The following LRP1B variants were observed in gnomAD, a reference collection of about 807,000 sequenced individuals.
LRP1B encodes LDL receptor related protein 1B, also known as low-density lipoprotein receptor-related protein 1B.
LRP1B carries 217 observed loss-of-function variants against 556.6 expected under a neutral mutation model. The observed-to-expected ratio is 0.39, with a 90% CI of 0.35 to 0.44. The LOEUF is 0.44. Ranked by LOEUF, LRP1B falls within the 20% of genes least tolerant of loss-of-function variation. The pLI is 1.00. For synonymous variants in LRP1B, 2,047 were observed against 1,865.8 expected, an observed-to-expected ratio of 1.10 and a Z score of -2.50; for missense variants, 5,053 against 5,620.8, an observed-to-expected ratio of 0.90 and a Z score of 3.23.
chr2:140,580,321 T>G (rs868453254), intron 43 of LRP1B, among the ~76,000 whole-genome samples: 16 of 152,272 alleles, frequency 1.1e-4, no homozygotes, highest in South Asian at 2.1e-4. Context: ...TATCATGCAT[T>G]CCACACAGCT....
At chr2:140,546,878 T>A (rs1349578457) in intron 43 of LRP1B, among the ~76,000 whole-genome samples, 1 of 152,146 alleles carries the variant, frequency 6.6e-6, no homozygotes, top group East Asian at 1.9e-4. Context: ...TTGAATTTTA[T>A]CAAAAGCCTT....
At chr2:140,974,197 C>T (rs964772118) in intron 18 of LRP1B, among the ~76,000 whole-genome samples, 2 of 152,180 alleles carry the variant, frequency 1.3e-5, no homozygotes, top group African/African-American at 4.8e-5. Context: ...AAAGAATCTT[C>T]TGACATTGCT....
At chr2:141,587,106 G>A (rs1240122452) in intron 2 of LRP1B, among the ~76,000 whole-genome samples, 1 of 152,076 alleles carries the variant, frequency 6.6e-6, no homozygotes, top group Non-Finnish European at 1.5e-5. Flanking sequence ...AAAAAGTAAT[G>A]AGAAATTTAT....
At chr2:141,645,108 G>A (rs1185793658) in intron 2 of LRP1B, among the ~76,000 whole-genome samples, 1 of 152,094 alleles carries the variant, frequency 6.6e-6, no homozygotes, top group East Asian at 1.9e-4. Context: ...ATTTATATTA[G>A]GGTAGGAGTA....
chr2:141,023,064 A>G (rs1698111565), intron 11 of LRP1B, among the ~76,000 whole-genome samples: 1 of 151,866 alleles, frequency 6.6e-6, no homozygotes, highest in Admixed American at 6.6e-5. Flanking sequence ...GATTAATATT[A>G]TGTCTGTATT....
chr2:141,440,228 C>T (rs1486883927), intron 3 of LRP1B, among the ~76,000 whole-genome samples: 1 of 152,208 alleles, frequency 6.6e-6, no homozygotes, highest in East Asian at 1.9e-4. Context: ...TGCGCCCAGC[C>T]CGGCCCTCCT....
In LRP1B at chr2:140,239,646, G is replaced by T. The variant is rs965888286; in HGVS notation, c.13325-114C>A. On this transcript the variant is annotated intron_variant, in intron 87 of 90. Transcript: ENST00000389484. Reference sequence around the variant, plus strand: ...TGACCATTGATATAATAAAAGCTTAGCCCAAATGTTTATATTTCGGGTTCA... The same window carrying T: ...TGACCATTGATATAATAAAAGCTTATCCCAAATGTTTATATTTCGGGTTCA... 7.5e-5 allele frequency: 42 copies of T among 563,024 alleles called. No homozygotes were observed. The African/African-American group carries it at 7.8e-4, about 11-fold the overall frequency. 34.9% of individuals were successfully genotyped at this position (563,024 alleles called of 1,614,324 possible).
chr2:142,009,626 T>G (rs1399656761), intron 1 of LRP1B, among the ~76,000 whole-genome samples: 1 of 152,204 alleles, frequency 6.6e-6, no homozygotes, highest in Non-Finnish European at 1.5e-5. Flanking sequence ...TATCTAATGT[T>G]GTCAAGGGCA....
At chr2:140,816,722 A>G (rs1691137710) in intron 31 of LRP1B, among the ~76,000 whole-genome samples, 1 of 152,108 alleles carries the variant, frequency 6.6e-6, no homozygotes, top group Non-Finnish European at 1.5e-5. Flanking sequence ...GGTTCATAAA[A>G]TAGAATTGCA....
chr2:140,518,466 C>CA (rs1233235354), intron 49 of LRP1B, among the ~76,000 whole-genome samples: 1 of 151,660 alleles, frequency 6.6e-6, no homozygotes, highest in South Asian at 2.1e-4. Context: ...ATGGAGATCA[C>CA]AAAAAAGAAA....
intron 1 of LRP1B, among the ~76,000 whole-genome samples, chr2:142,029,412 A>G (rs1360050610): frequency 2.0e-5 from 3 of 151,946 alleles, no homozygotes; most frequent in Non-Finnish European, 4.4e-5. Flanking sequence ...TATGTATCTC[A>G]GAACTTACTG....
intron 2 of LRP1B, among the ~76,000 whole-genome samples, chr2:141,560,674 T>C (rs1686114029): frequency 6.6e-6 from 1 of 151,596 alleles, no homozygotes; most frequent in African/African-American, 2.4e-5. Context: ...CAATACAAAT[T>C]TGATAAATTG....
intron 2 of LRP1B, among the ~76,000 whole-genome samples, chr2:141,654,383 CT>C (rs1440128824): frequency 6.6e-6 from 1 of 152,084 alleles, no homozygotes; most frequent in African/African-American, 2.4e-5. Context: ...GTTAGGGCTC[CT>C]TTGGTTGAAT....
intron 41 of LRP1B, among the ~76,000 whole-genome samples, chr2:140,672,066 A>T (rs574353743): frequency 6.6e-6 from 1 of 152,346 alleles, no homozygotes; most frequent in African/African-American, 2.4e-5. Flanking sequence ...CTGGTCCAAA[A>T]TTCCTGTCCA....
At chr2:140,793,846 AT>A (rs950704444) in intron 32 of LRP1B, among the ~76,000 whole-genome samples, 1 of 152,068 alleles carries the variant, frequency 6.6e-6, no homozygotes, top group Non-Finnish European at 1.5e-5. Context: ...TGAAAAAAAA[AT>A]GTAGTTTATA....
At chr2:140,502,024 C>A in intron 54 of LRP1B, 150 bp from the exon 55 acceptor site, 1 of 532,614 alleles carries the variant, frequency 1.9e-6, no homozygotes, top group South Asian at 4.6e-5. Context: ...AGTATAATAT[C>A]TTACACCTAA....
intron 87 of LRP1B, among the ~76,000 whole-genome samples, chr2:140,240,468 G>A (rs1454223259): frequency 6.6e-6 from 1 of 150,654 alleles, no homozygotes; most frequent in Non-Finnish European, 1.5e-5. Context: ...TAGTCAGTGA[G>A]TAGGCAGACA....
At position 141,638,881 on chromosome 2, in the gene LRP1B, A is replaced by ATG. The variant is rs1553439848; in HGVS notation, c.206-158350_206-158349dup. On this transcript the variant is annotated intron_variant, in intron 2 of 90. Transcript: ENST00000389484. The stretch of plus-strand genomic sequence containing the variant: ...TAGCCATATATATATATATATATAT[A>ATG]TGTGTGTGTATGTGCGTGTGTGTGT... 8.4e-4 allele frequency among the ~76,000 whole-genome samples: 8 copies of ATG among 9,532 alleles called. 1 individual carries two copies. The highest frequency in any genetic ancestry group is 0.25 in the Middle Eastern group (1 of 4). The allele number at this position is 9,532 out of a possible 152,430, so 6.3% of individuals were successfully genotyped here.
At chr2:141,083,238 C>A (rs555199803) in intron 7 of LRP1B, among the ~76,000 whole-genome samples, 5 of 152,014 alleles carry the variant, frequency 3.3e-5, no homozygotes, top group Admixed American at 2.6e-4. Flanking sequence ...ATTTGTATTA[C>A]TGTTGTTTGA....
Sources: gnomAD v4.1 joint callset for allele counts (sites outside exome capture counted in the v4.1 genomes callset) on GRCh38, gnomAD v4.1.1 for gene constraint, MANE v1.5 for transcripts, NCBI Gene and HGNC (gene_info 2026-07-23, HGNC 2026-07-21) for gene names.